CYP7B1: variants seen among roughly 807,000 people sequenced by gnomAD.
CYP7B1 encodes the protein cytochrome P450 7B1.
A neutral mutation model predicts 42.7 loss-of-function variants in CYP7B1; 29 were observed. That is an observed-to-expected ratio of 0.68 (90% CI 0.51 to 0.93). The LOEUF (loss-of-function observed/expected upper bound fraction) is 0.93. Ranked by LOEUF, CYP7B1 falls within the 40% of genes least tolerant of loss-of-function variation. CYP7B1 has a pLI of 0.00. For missense variants in CYP7B1, 655 were observed against 600.5 expected (o/e 1.09, Z -0.95); for synonymous variants, 235 against 218.2 (o/e 1.08, Z -0.68).
At chr8:64,775,435 C>T (rs1404745502) in intron 1 of CYP7B1, among the ~76,000 whole-genome samples, 1 of 152,034 alleles carries the variant, frequency 6.6e-6, no homozygotes, top group Non-Finnish European at 1.5e-5. Context: ...AGAAAATAGT[C>T]CACAGGCTTT....
At chr8:64,681,555 A>G (rs1806538576) in intron 1 of CYP7B1, among the ~76,000 whole-genome samples, 1 of 152,204 alleles carries the variant, frequency 6.6e-6, no homozygotes, top group Non-Finnish European at 1.5e-5. Context: ...TGGTTTCAGT[A>G]TTGGAGTCTT....
rs991951368 is a variant in CYP7B1, at chr8:64,679,678, C to T, written c.123-55139G>A. Among the ~76,000 whole-genome samples, 21 of 152,132 alleles carry T rather than the reference C, an allele frequency of 1.4e-4. 1 individual carries two copies. The highest frequency in any genetic ancestry group is 3.1e-4 in the Non-Finnish European group (21 of 68,028). ...TTTTATTCTCATTAGGAAAACCAGC[C>T]TATCTTTTCCTAGCCCTCCTGTGAC... is the stretch of plus-strand genomic sequence containing the variant. On this transcript the variant is annotated intron_variant, in intron 1 of 5. Coordinates refer to ENST00000310193, the MANE Select transcript of CYP7B1 (RefSeq NM_004820.5).
At chr8:64,709,436 G>A (rs1378835795) in intron 1 of CYP7B1, among the ~76,000 whole-genome samples, 1 of 152,162 alleles carries the variant, frequency 6.6e-6, no homozygotes, top group African/African-American at 2.4e-5. Context: ...GTGTATTTGT[G>A]TGTTAAGAAG....
At chr8:64,603,565 T>G (rs1013474771) in intron 5 of CYP7B1, among the ~76,000 whole-genome samples, 1 of 152,260 alleles carries the variant, frequency 6.6e-6, no homozygotes, top group Non-Finnish European at 1.5e-5. Context: ...CCCTGTTTAT[T>G]GAATATAATT....
rs1344709544 is a variant in CYP7B1, at chr8:64,596,417, C to G, written c.*225G>C. 1.7e-5 allele frequency: 8 copies of G among 467,392 alleles called. No individual in the cohort carries two copies. The highest frequency in any genetic ancestry group is 1.6e-4 in the African/African-American group (8 of 51,482). The allele number at this position is 467,392 out of a possible 1,614,324, so 29.0% of individuals were successfully genotyped here. ...AAAACAACAACAACCCTGTTTTGAG[C>G]CTACCCTTAAGTTGATTTTGATGTC... On this transcript the variant is annotated 3_prime_UTR_variant, in exon 6 of 6. Transcript: ENST00000310193.
At chr8:64,721,452 C>T (rs1807234903) in intron 1 of CYP7B1, among the ~76,000 whole-genome samples, 1 of 152,050 alleles carries the variant, frequency 6.6e-6, no homozygotes, top group African/African-American at 2.4e-5. Context: ...CTAAATATAT[C>T]AATCTGTAAA....
chr8:64,614,906 G>T, intron 4 of CYP7B1, 120 bp downstream of exon 4: 1 of 857,082 alleles, frequency 1.2e-6, no homozygotes, highest in Non-Finnish European at 1.9e-6. Flanking sequence ...TGATGTAAAT[G>T]GGTGTTATTA....
chr8:64,753,487 A>G (rs1403645580), intron 1 of CYP7B1, among the ~76,000 whole-genome samples: 1 of 152,204 alleles, frequency 6.6e-6, no homozygotes, highest in Non-Finnish European at 1.5e-5. Flanking sequence ...GTCCAGTTTG[A>G]GGAAAAGCAA....
At chr8:64,654,925 C>T (rs1806098858) in intron 1 of CYP7B1, among the ~76,000 whole-genome samples, 1 of 152,114 alleles carries the variant, frequency 6.6e-6, no homozygotes, top group African/African-American at 2.4e-5. Flanking sequence ...ATGAGGAAAA[C>T]ATTCCCTCCT....
chr8:64,779,214 A>G (rs997325781), intron 1 of CYP7B1, among the ~76,000 whole-genome samples: 13 of 152,176 alleles, frequency 8.5e-5, no homozygotes, highest in Non-Finnish European at 1.5e-4. Flanking sequence ...GTTAAGTTTG[A>G]AGTCAAACAT....
At chr8:64,764,229 G>GCCCCTCCCCCCCCCCCCCCCCCCCCC (rs1807936169) in intron 1 of CYP7B1, among the ~76,000 whole-genome samples, 1 of 125,150 alleles carries the variant, frequency 8.0e-6, no homozygotes. Context: ...CTTCCACGCT[G>GCCCCTCCCCCCCCCCCCCCCCCCCCC]CCCCCCCCAC....
chr8:64,662,339 T>A (rs1806212461), intron 1 of CYP7B1, among the ~76,000 whole-genome samples: 1 of 152,052 alleles, frequency 6.6e-6, no homozygotes, highest in African/African-American at 2.4e-5. Flanking sequence ...CTATAAAAAA[T>A]GATAATGCAT....
chr8:64,631,272 G>T (rs1805691456), intron 1 of CYP7B1, among the ~76,000 whole-genome samples: 2 of 152,050 alleles, frequency 1.3e-5, no homozygotes, highest in Non-Finnish European at 2.9e-5. Flanking sequence ...GGTATGCAAG[G>T]CTGGTTCAAC....
chr8:64,750,463 G>A (rs1047513991), intron 1 of CYP7B1, among the ~76,000 whole-genome samples: 5 of 152,160 alleles, frequency 3.3e-5, no homozygotes, highest in Non-Finnish European at 4.4e-5. Context: ...TTGCTTCTTA[G>A]GGAAAAATTA....
At chr8:64,770,915 A>C (rs753645345) in intron 1 of CYP7B1, among the ~76,000 whole-genome samples, 2 of 152,184 alleles carry the variant, frequency 1.3e-5, no homozygotes. Flanking sequence ...GCATCTAAAA[A>C]TTTGAAGCTG....
chr8:64,641,085 G>A (rs1395899653), intron 1 of CYP7B1, among the ~76,000 whole-genome samples: 3 of 152,102 alleles, frequency 2.0e-5, no homozygotes, highest in Non-Finnish European at 4.4e-5. Flanking sequence ...AAACTTGTAC[G>A]AACAAAAATC....
chr8:64,716,269 A>G (rs1373134342), intron 1 of CYP7B1, among the ~76,000 whole-genome samples: 1 of 152,200 alleles, frequency 6.6e-6, no homozygotes, highest in African/African-American at 2.4e-5. Context: ...CATGTTAGTC[A>G]GATAGCATGC....
Position 64,798,544 on chromosome 8 carries a change from T to C in CYP7B1, c.44A>G (p.Glu15Gly), listed in dbSNP as rs1178292623. ...GGCCAGGCCCGGGAGGCCCAACCGC[T>C]CCAGCGAAAAGCGGCCCGTGGCCGC... ...VSAATGRFSLERLGLPGLALA... is the reference protein window; with the variant it reads ...VSAATGRFSLGRLGLPGLALA... The change falls in exon 1 of 6, where the codon GAG (glutamate) becomes GGG (glycine). Residue 15 changes from glutamate to glycine, a missense_variant. Glu to Gly is a moderately conservative substitution (Grantham distance 98, BLOSUM62 -2). Coordinates refer to ENST00000310193, the MANE Select transcript of CYP7B1 (RefSeq NM_004820.5). The C allele has an allele frequency of 6.7e-7, 1 of 1,495,670 alleles. No homozygotes were observed. Among genetic ancestry groups the C allele is most frequent in the Admixed American group, 2.2e-5 (1 of 45,502 alleles). 92.6% of individuals were successfully genotyped at this position (1,495,670 alleles called of 1,614,324 possible).
At chr8:64,650,683 C>T (rs928141648) in intron 1 of CYP7B1, among the ~76,000 whole-genome samples, 2 of 152,062 alleles carry the variant, frequency 1.3e-5, no homozygotes, top group African/African-American at 2.4e-5. Flanking sequence ...ATTGTTTATG[C>T]CACAGGTAAA....
Sources: allele counts gnomAD v4.1 joint callset (sites outside exome capture counted in the v4.1 genomes callset), GRCh38; gene constraint gnomAD v4.1.1; transcripts MANE v1.5; gene names NCBI Gene and HGNC (gene_info 2026-07-23, HGNC 2026-07-21).